Variants in LIN9 observed in about 807,000 individuals in gnomAD.
LIN9 encodes protein lin-9 homolog.
In LIN9, 18 loss-of-function variants were observed where a neutral mutation model predicts 78.0. That is an observed-to-expected ratio of 0.23 (90% CI 0.16 to 0.34). The LOEUF (loss-of-function observed/expected upper bound fraction) is 0.34. Ranked by LOEUF, LIN9 falls within the 10% of genes least tolerant of loss-of-function variation. The pLI, the probability that LIN9 is intolerant of heterozygous loss-of-function variation, is 1.00. For synonymous variants in LIN9, 192 were observed against 215.2 expected, an observed-to-expected ratio of 0.89 and a Z score of 0.94; for missense variants, 451 against 644.1, an observed-to-expected ratio of 0.70 and a Z score of 3.25.
intron 6 of LIN9, among the ~76,000 whole-genome samples, chr1:226,281,377 A>T (rs1661040454): frequency 6.6e-6 from 1 of 152,042 alleles, no homozygotes; most frequent in Admixed American, 6.6e-5. Context: ...AGAAGGAATA[A>T]GTTCTAGTAT....
At chr1:226,309,421 G>A, upstream of LIN9, 1 of 997,062 alleles carries the variant, frequency 1.0e-6, no homozygotes, top group Non-Finnish European at 1.2e-6. Context: ...GCCCGGCGCC[G>A]GAGCGCGGGG....
At chr1:226,287,573 T>G (rs1056380277) in intron 5 of LIN9, 91 bp downstream of exon 5, 3 of 792,450 alleles carry the variant, frequency 3.8e-6, no homozygotes, top group Non-Finnish European at 5.8e-6. Context: ...AAGATCAAAG[T>G]AGACCTATAG....
chr1:226,275,224 AT>A lies in LIN9; in HGVS notation c.682+2550del, dbSNP rs1197649972. 5.9e-5 allele frequency among the ~76,000 whole-genome samples: 9 copies of A among 152,356 alleles called. No individual in the cohort carries two copies. The East Asian group carries it at 1.7e-3, about 29-fold the overall frequency. ...GCCCTGTGAACTTGATATAATTTCCATAAGTCACAACATATCATTATTCTTT... is the reference window on the plus strand; with the variant it reads ...GCCCTGTGAACTTGATATAATTTCCAAAGTCACAACATATCATTATTCTTT... On this transcript the variant is annotated intron_variant, in intron 7 of 14. Transcript: ENST00000681046.
At chr1:226,240,006 T>C (rs114168350) in intron 11 of LIN9, among the ~76,000 whole-genome samples, 60 of 152,126 alleles carry the variant, frequency 3.9e-4, no homozygotes, top group African/African-American at 1.4e-3. Flanking sequence ...GAAAGAAAAC[T>C]TTCCTAGACC....
chr1:226,282,919 AG>A (rs1472652927), intron 6 of LIN9, among the ~76,000 whole-genome samples: 9 of 152,228 alleles, frequency 5.9e-5, no homozygotes, highest in African/African-American at 1.9e-4. Context: ...CATGTTTACA[AG>A]AGCCATTTCT....
In LIN9 at chr1:226,232,171, G is replaced by A. The variant is rs1039300233; in HGVS notation, c.*330C>T. 1.0e-5 allele frequency: 4 copies of A among 399,226 alleles called. No individual in the cohort carries two copies. The highest frequency in any genetic ancestry group is 1.3e-4 in the South Asian group (1 of 7,920). 24.7% of individuals were successfully genotyped at this position (399,226 alleles called of 1,614,324 possible). ...TGCAGCAGTTGTCTGCATGTGTTGC[G>A]GTGAATTCATGCACATTAAAAAAAA... is the stretch of plus-strand genomic sequence containing the variant. On this transcript the variant is annotated 3_prime_UTR_variant, in exon 15 of 15. Transcript: ENST00000681046.
chr1:226,269,349 GACT>G (rs1201204695), intron 7 of LIN9, among the ~76,000 whole-genome samples: 1 of 152,116 alleles, frequency 6.6e-6, no homozygotes, highest in African/African-American at 2.4e-5. Context: ...CATAGAAAAG[GACT>G]ACTAGTTATG....
upstream of LIN9, chr1:226,309,463 G>GC: frequency 9.1e-7 from 1 of 1,100,432 alleles, no homozygotes; most frequent in Non-Finnish European, 1.1e-6. Context: ...TCCCGCCCGG[G>GC]CCCCGCTCCC....
intron 10 of LIN9, among the ~76,000 whole-genome samples, chr1:226,255,920 GAA>G (rs1659162442): frequency 6.6e-6 from 1 of 150,930 alleles, no homozygotes; most frequent in South Asian, 2.1e-4. Flanking sequence ...AGGAAAGAGA[GAA>G]AAAAAGGAAG....
chr1:226,285,350 G>A (rs935379057), intron 6 of LIN9, among the ~76,000 whole-genome samples: 1 of 152,010 alleles, frequency 6.6e-6, no homozygotes, highest in Non-Finnish European at 1.5e-5. Context: ...GTTATTATAA[G>A]AAATATTAAA....
intron 10 of LIN9, among the ~76,000 whole-genome samples, chr1:226,255,977 CA>C (rs1433410328): frequency 2.0e-5 from 3 of 151,886 alleles, no homozygotes; most frequent in Non-Finnish European, 4.4e-5. Flanking sequence ...AATTTAATGT[CA>C]AATACCAAAG....
chr1:226,252,628 A>G (rs1039869205), intron 10 of LIN9, among the ~76,000 whole-genome samples: 1 of 152,156 alleles, frequency 6.6e-6, no homozygotes. Flanking sequence ...TGATATTGAC[A>G]TTTAAATTTT....
Position 226,265,441 on chromosome 1 carries a change from CCT to C in LIN9, c.1038+90_1038+91del. 1 of 657,954 alleles carries C rather than the reference CCT, an allele frequency of 1.5e-6. No homozygotes were observed. The highest frequency in any genetic ancestry group is 2.6e-6 in the Non-Finnish European group (1 of 381,238). 40.8% of individuals were successfully genotyped at this position (657,954 alleles called of 1,614,324 possible). A position where few individuals can be genotyped will look rare whatever the true frequency, so the allele number is the denominator to read the frequency against. On this transcript the variant is annotated intron_variant, in intron 10 of 14. Transcript: ENST00000681046. The surrounding 1 kb of genome is among the most constrained non-coding windows in gnomAD (Gnocchi z 4.1). ...CTCTTAAAACCTACACGGTGATAAA[CCT>C]ACACGGCCCTAGAAAAATTTTCAAC... is the stretch of plus-strand genomic sequence containing the variant.
At chr1:226,266,025 A>G (rs1659884888) in intron 9 of LIN9, among the ~76,000 whole-genome samples, 188 bp downstream of exon 9, 1 of 152,134 alleles carries the variant, frequency 6.6e-6, no homozygotes, top group Admixed American at 6.5e-5. Flanking sequence ...TATAATTAAT[A>G]TTATATTAAA....
At chr1:226,294,742 C>T (rs138002720) in intron 4 of LIN9, among the ~76,000 whole-genome samples, 1 of 151,962 alleles carries the variant, frequency 6.6e-6, no homozygotes, top group Non-Finnish European at 1.5e-5. Flanking sequence ...ACAAAAATTA[C>T]ATTACCCTTA....
chr1:226,294,607 A>G (rs191518740), intron 4 of LIN9, among the ~76,000 whole-genome samples: 106 of 152,166 alleles, frequency 7.0e-4, no homozygotes, highest in Non-Finnish European at 1.1e-3. Flanking sequence ...ACCTAATGCT[A>G]AATTCTTGGT....
chr1:226,273,397 C>A (rs935416843), intron 7 of LIN9, among the ~76,000 whole-genome samples: 2 of 151,138 alleles, frequency 1.3e-5, no homozygotes, highest in Non-Finnish European at 2.9e-5. Flanking sequence ...TACAGGAGCA[C>A]AACACACCTG....
intron 1 of LIN9, among the ~76,000 whole-genome samples, chr1:226,305,015 C>T (rs1378864954): frequency 6.6e-6 from 1 of 151,922 alleles, no homozygotes; most frequent in Non-Finnish European, 1.5e-5. Context: ...ACTAAAAATA[C>T]AAAAGTTAGC....
intron 2 of LIN9, 51 bp from the exon 3 acceptor site, chr1:226,297,864 T>C: frequency 1.0e-6 from 1 of 988,402 alleles, no homozygotes; most frequent in South Asian, 2.0e-5. Context: ...TCAAAGGATT[T>C]CATACCATGA....
Sources: gnomAD v4.1 joint callset for allele counts (sites outside exome capture counted in the v4.1 genomes callset) on GRCh38, gnomAD v4.1.1 for gene constraint, Gnocchi (gnomAD v3.1) non-coding constraint, MANE v1.5 for transcripts, NCBI Gene and HGNC (gene_info 2026-07-23, HGNC 2026-07-21) for gene names.